Variants in PPP5C observed in about 807,000 individuals in gnomAD.
PPP5C encodes the protein serine/threonine-protein phosphatase 5.
In PPP5C, 21 loss-of-function variants were observed where a neutral mutation model predicts 66.7. That is an observed-to-expected ratio of 0.31 (90% confidence interval 0.22 to 0.45). The LOEUF (loss-of-function observed/expected upper bound fraction) is 0.45, where lower values mean the gene tolerates loss of function less well. Ranked by LOEUF, PPP5C falls within the 20% of genes least tolerant of loss-of-function variation. The probability of loss-of-function intolerance (pLI) is 1.00; values close to 1 mark genes in which losing one functional copy is unlikely to be tolerated. For synonymous variants in PPP5C, 246 were observed against 257.4 expected (o/e 0.96, Z 0.43); for missense variants, 464 against 675.9 (o/e 0.69, Z 3.48).
intron 2 of PPP5C, among the ~76,000 whole-genome samples, chr19:46,360,659 C>G (rs1415189199): frequency 6.6e-6 from 1 of 152,122 alleles, no homozygotes; most frequent in Non-Finnish European, 1.5e-5. Context: ...TGCCACCACA[C>G]CCCGCTAATT....
chr19:46,350,577 G>C (rs61432140), intron 1 of PPP5C, among the ~76,000 whole-genome samples: 2,353 of 152,276 alleles, frequency 0.015, 71 homozygotes, highest in African/African-American at 0.054. Context: ...GGCAGTAGCA[G>C]GCACAGAGCC....
intron 2 of PPP5C, among the ~76,000 whole-genome samples, chr19:46,358,312 A>G (rs957833156): frequency 6.6e-6 from 1 of 152,196 alleles, no homozygotes; most frequent in Non-Finnish European, 1.5e-5. Flanking sequence ...TTATATGATT[A>G]TGTCTCCCAG....
intron 1 of PPP5C, 25 bp from the exon 2 acceptor site, chr19:46,353,723 C>T: frequency 1.2e-6 from 2 of 1,613,736 alleles, no homozygotes; most frequent in South Asian, 1.1e-5. Context: ...AGCACTGCCT[C>T]ATGCCTCTTC....
At position 46,376,402 on chromosome 19, in the gene PPP5C, C is replaced by T. The variant is rs751371805; in HGVS notation, c.512-51C>T. The T allele has an allele frequency of 1.2e-6, 2 of 1,602,152 alleles. No homozygotes were observed. Among genetic ancestry groups the T allele is most frequent in the Admixed American group, 1.7e-5 (1 of 59,510 alleles). On this transcript the variant is annotated intron_variant, in intron 3 of 12. Transcript: ENST00000012443. The surrounding 1 kb of genome is among the most constrained non-coding windows in gnomAD (Gnocchi z 5.1). ...CCCTGGGAGCGAGACCCCCTTCTCCCTCATAGTGGCTGTGGTCACTGACTC... is the reference window on the plus strand; with the variant it reads ...CCCTGGGAGCGAGACCCCCTTCTCCTTCATAGTGGCTGTGGTCACTGACTC...
Position 46,390,889 on chromosome 19 carries a change from G to C in PPP5C, c.*543G>C. 4 of 1,151,674 alleles carry C rather than the reference G, an allele frequency of 3.5e-6. No individual in the cohort carries two copies. Among genetic ancestry groups the C allele is most frequent in the South Asian group, 1.8e-5 (1 of 56,040 alleles). 71.3% of individuals were successfully genotyped at this position (1,151,674 alleles called of 1,614,324 possible). The stretch of plus-strand genomic sequence containing the variant: ...GATGGTGGAGCCGAAGGAGCTGCCC[G>C]GGTTGGGTTACGCCTGCTCAGGAGA... On this transcript the variant is annotated 3_prime_UTR_variant, in exon 13 of 13. Transcript: ENST00000012443.
At chr19:46,377,665 C>T (rs564886158) in intron 4 of PPP5C, among the ~76,000 whole-genome samples, 36 of 152,232 alleles carry the variant, frequency 2.4e-4, no homozygotes, top group Non-Finnish European at 4.6e-4. Flanking sequence ...GCCCTCACTC[C>T]CATCCCAGGG....
chr19:46,368,389 C>T (rs1972526936), intron 2 of PPP5C, among the ~76,000 whole-genome samples: 1 of 152,226 alleles, frequency 6.6e-6, no homozygotes, highest in Non-Finnish European at 1.5e-5. Flanking sequence ...CATCCCTGTC[C>T]GTAAGACCCA....
intron 1 of PPP5C, among the ~76,000 whole-genome samples, chr19:46,349,594 G>T (rs1052277767): frequency 1.1e-4 from 16 of 152,108 alleles, no homozygotes; most frequent in African/African-American, 3.6e-4. Flanking sequence ...GGGAATATGG[G>T]TGTCATCCTG....
At chr19:46,363,710 T>G (rs151053971) in intron 2 of PPP5C, among the ~76,000 whole-genome samples, 111 of 152,310 alleles carry the variant, frequency 7.3e-4, no homozygotes, top group African/African-American at 2.5e-3. Flanking sequence ...ATTACAGGCA[T>G]GAGCCACTGC....
At chr19:46,390,004 C>A in intron 11 of PPP5C, 47 bp from the exon 12 acceptor site, 1 of 1,578,766 alleles carries the variant, frequency 6.3e-7, no homozygotes, top group Non-Finnish European at 8.7e-7. Flanking sequence ...ACCCACCAGC[C>A]CCACCCAGCC....
chr19:46,350,666 G>A (rs567293831), intron 1 of PPP5C, among the ~76,000 whole-genome samples: 74 of 152,338 alleles, frequency 4.9e-4, no homozygotes, highest in African/African-American at 1.2e-3. Flanking sequence ...GGCCAGGTAC[G>A]CTGTGGGGTT....
intron 4 of PPP5C, chr19:46,381,906 C>G (rs1972797765): frequency 7.3e-6 from 1 of 137,524 alleles, no homozygotes; most frequent in Non-Finnish European, 1.5e-5. Flanking sequence ...AGGACTTTCC[C>G]TTCAGCAGAG....
At chr19:46,372,357 T>C (rs2238693) in intron 2 of PPP5C, among the ~76,000 whole-genome samples, 83,927 of 151,198 alleles carry the variant, frequency 0.56, 23,460 homozygotes, top group South Asian at 0.74. Flanking sequence ...TGCACCACCA[T>C]ACCTGGCTAG....
chr19:46,384,776 G>T (rs1173066466), intron 6 of PPP5C, 28 bp from the exon 7 acceptor site: 1 of 1,540,400 alleles, frequency 6.5e-7, no homozygotes, highest in African/African-American at 1.4e-5. Context: ...TCCCCTCCAC[G>T]CTTGCCATGT....
At chr19:46,389,870 G>T (rs1972980815) in intron 11 of PPP5C, among the ~76,000 whole-genome samples, 181 bp from the exon 12 acceptor site, 1 of 146,722 alleles carries the variant, frequency 6.8e-6, no homozygotes, top group African/African-American at 2.5e-5. Context: ...CCATCCTCCT[G>T]CCCCTCCCAT....
rs1235499366 is a variant in PPP5C, at chr19:46,352,078, G to C, written c.122-1670G>C. ...TCCTTTCCCTCTGGAGCCACTCATGGAGCCTGGGACTCTCTTCTTCCATCT... is the reference window on the plus strand; with the variant it reads ...TCCTTTCCCTCTGGAGCCACTCATGCAGCCTGGGACTCTCTTCTTCCATCT... On this transcript the variant is annotated intron_variant, in intron 1 of 12. Coordinates refer to ENST00000012443, the MANE Select transcript of PPP5C (RefSeq NM_006247.4). Among the ~76,000 whole-genome samples, 5 of 152,260 alleles carry C rather than the reference G, an allele frequency of 3.3e-5. No individual in the cohort carries two copies. The East Asian group carries it at 5.8e-4, about 18-fold the overall frequency.
chr19:46,353,912 A>C lies in PPP5C; in HGVS notation c.286A>C (p.Ile96Leu). 1 of 1,605,198 alleles carries C rather than the reference A, an allele frequency of 6.2e-7. No homozygotes were observed. Among genetic ancestry groups the C allele is most frequent in the Non-Finnish European group, 8.5e-7 (1 of 1,176,400 alleles). Residue 96 changes from isoleucine (I) to leucine (L), a missense_variant, in exon 2 of 13, where the codon ATC becomes CTC. Ile to Leu is a conservative substitution (Grantham distance 5, BLOSUM62 2). This residue lies in a region of PPP5C where 387 missense variants were observed against 626.0 expected (regional missense o/e 0.62). Transcript: ENST00000012443. Reference sequence around the variant, plus strand: ...GGCCATTGAGCTGGACAAGAAGTACATCAAGGGTTATTACCGCCGGGCTGC... The same window carrying C: ...GGCCATTGAGCTGGACAAGAAGTACCTCAAGGGTTATTACCGCCGGGCTGC... The part of the protein sequence containing the change: ...TRAIELDKKY[I>L]KGYYRRAASN...
In PPP5C at chr19:46,376,491, G is replaced by A. The variant is rs146574618; in HGVS notation, c.550G>A (p.Gly184Ser). ...GTACAGCGGACCCAAGCTTGAAGACGGCAAAGTGACAATCAGTTTCATGAA... is the reference window on the plus strand; with the variant it reads ...GTACAGCGGACCCAAGCTTGAAGACAGCAAAGTGACAATCAGTTTCATGAA... ...DEYSGPKLED[G>S]KVTISFMKEL... Residue 184 changes from glycine to serine, a missense_variant, in exon 4 of 13, where the codon GGC becomes AGC. By Grantham distance (56) the Gly-to-Ser change is moderately conservative. Transcript: ENST00000012443. This position sits in a 1 kb window ranked among gnomAD's most constrained non-coding sequence, Gnocchi z 5.1. The A allele has an allele frequency of 4.8e-5, 78 of 1,613,632 alleles. No individual in the cohort carries two copies. Among genetic ancestry groups the A allele is most frequent in the Non-Finnish European group, 6.4e-5 (75 of 1,179,878 alleles).
chr19:46,366,909 G>A (rs559606007), intron 2 of PPP5C, among the ~76,000 whole-genome samples: 1 of 152,228 alleles, frequency 6.6e-6, no homozygotes, highest in East Asian at 1.9e-4. Context: ...TCATTTAAAG[G>A]GGCTCACCAT....
Sources: gnomAD v4.1 joint callset for allele counts (sites outside exome capture counted in the v4.1 genomes callset) on GRCh38, gnomAD v4.1.1 for gene constraint, gnomAD v4.1.1 regional missense constraint, Gnocchi (gnomAD v3.1) non-coding constraint, MANE v1.5 for transcripts, NCBI Gene and HGNC (gene_info 2026-07-23, HGNC 2026-07-21) for gene names.